Variants in CLYBL observed in about 807,000 individuals in gnomAD.
The protein encoded by CLYBL is citramalyl-CoA lyase.
In CLYBL, 31 loss-of-function variants were observed where a neutral mutation model predicts 38.9. The ratio of observed to expected loss-of-function variants is 0.80; its 90% confidence interval spans 0.60 to 1.08. The LOEUF (loss-of-function observed/expected upper bound fraction) is 1.08, where lower values mean the gene tolerates loss of function less well. CLYBL is among the 50% of genes least tolerant of loss of function. The pLI is 0.00. For synonymous variants in CLYBL, 171 were observed against 158.6 expected (o/e 1.08, Z -0.59); for missense variants, 434 against 411.6 (o/e 1.05, Z -0.47).
At chr13:99,868,119 G>A (rs561685785) in intron 6 of CLYBL, among the ~76,000 whole-genome samples, 7 of 152,286 alleles carry the variant, frequency 4.6e-5, no homozygotes, top group African/African-American at 1.4e-4. Context: ...AGGATAATGG[G>A]AAGGCACAGA....
chr13:99,684,284 A>G (rs936104906), intron 1 of CLYBL, among the ~76,000 whole-genome samples: 1 of 148,164 alleles, frequency 6.7e-6, no homozygotes, highest in Admixed American at 6.8e-5. Context: ...GGTTTGAGCA[A>G]TTCTCGTGCC....
intron 1 of CLYBL, among the ~76,000 whole-genome samples, chr13:99,695,542 C>G (rs188053725): frequency 6.6e-6 from 1 of 151,782 alleles, no homozygotes; most frequent in Non-Finnish European, 1.5e-5. Flanking sequence ...TGTTTTGAGA[C>G]GGAGTCTCCC....
intron 1 of CLYBL, among the ~76,000 whole-genome samples, chr13:99,669,294 G>A (rs1279965556): frequency 6.6e-6 from 1 of 152,202 alleles, no homozygotes; most frequent in African/African-American, 2.4e-5. Flanking sequence ...GAGCTGCCGC[G>A]CCCGGCCAGG....
At chr13:99,729,578 C>A (rs372130647) in intron 1 of CLYBL, among the ~76,000 whole-genome samples, 2 of 152,168 alleles carry the variant, frequency 1.3e-5, no homozygotes, top group Non-Finnish European at 2.9e-5. Context: ...GGAGACTCAT[C>A]ATCACTGCTC....
At chr13:99,871,136 G>A (rs1318169659) in intron 7 of CLYBL, 74 bp downstream of exon 7, 2 of 1,512,644 alleles carry the variant, frequency 1.3e-6, no homozygotes, top group African/African-American at 2.7e-5. Flanking sequence ...CAAATATGTT[G>A]TGTGAATGGT....
intron 2 of CLYBL, among the ~76,000 whole-genome samples, chr13:99,800,904 A>C (rs865881491): frequency 7.5e-6 from 1 of 133,142 alleles, no homozygotes. Context: ...CAAAAAAAAA[A>C]AACAAAAAAA....
chr13:99,885,378 T>C (rs2052324880), intron 7 of CLYBL, among the ~76,000 whole-genome samples: 1 of 151,892 alleles, frequency 6.6e-6, no homozygotes, highest in South Asian at 2.1e-4. Context: ...TGGTGTGTGT[T>C]GGGGTACAGG....
intron 1 of CLYBL, among the ~76,000 whole-genome samples, chr13:99,632,709 C>T (rs746076527): frequency 6.6e-6 from 1 of 152,002 alleles, no homozygotes; most frequent in South Asian, 2.1e-4. Context: ...TGTGCCACTG[C>T]ACTCCAGCCT....
intron 1 of CLYBL, among the ~76,000 whole-genome samples, chr13:99,713,907 C>T (rs2139502360): frequency 6.6e-6 from 1 of 152,164 alleles, no homozygotes; most frequent in East Asian, 1.9e-4. Context: ...AGGTTGGTCT[C>T]AAACTCCTGG....
intron 1 of CLYBL, among the ~76,000 whole-genome samples, chr13:99,651,160 C>G (rs1050085574): frequency 2.0e-5 from 3 of 152,364 alleles, no homozygotes; most frequent in African/African-American, 7.2e-5. Flanking sequence ...CCAATGTGAT[C>G]TCTGCTCTTT....
chr13:99,859,514 G>A lies in CLYBL; in HGVS notation c.438+465G>A, dbSNP rs555441870. Among the ~76,000 whole-genome samples, 3 of 152,342 alleles carry A rather than the reference G, an allele frequency of 2.0e-5. No homozygotes were observed. The South Asian group carries it at 6.2e-4, about 32-fold the overall frequency. On this transcript the variant is annotated intron_variant, in intron 3 of 8. Coordinates refer to ENST00000339105, the MANE Select transcript of CLYBL (RefSeq NM_206808.5). ...AAAAAATGAACCCAAAGAAGGGGAG[G>A]AAAAGGTCACTCTTTAGGGCAACTG...
chr13:99,687,114 A>T (rs1233696308), intron 1 of CLYBL, among the ~76,000 whole-genome samples: 1 of 152,178 alleles, frequency 6.6e-6, no homozygotes, highest in South Asian at 2.1e-4. Flanking sequence ...TAGCTCCAAG[A>T]GGCTGTAGGT....
chr13:99,635,871 C>CTTT (rs952602761), intron 1 of CLYBL, among the ~76,000 whole-genome samples: 1 of 151,942 alleles, frequency 6.6e-6, no homozygotes, highest in African/African-American at 2.4e-5. Flanking sequence ...GACAGATGGA[C>CTTT]TAAAGATAAT....
At chr13:99,809,381 C>G (rs894485570) in intron 2 of CLYBL, among the ~76,000 whole-genome samples, 2 of 152,216 alleles carry the variant, frequency 1.3e-5, no homozygotes, top group Non-Finnish European at 2.9e-5. Context: ...GAAGACCACC[C>G]TCTCCGATGG....
intron 1 of CLYBL, among the ~76,000 whole-genome samples, chr13:99,732,276 G>A (rs922982956): frequency 2.8e-5 from 4 of 142,138 alleles, no homozygotes; most frequent in African/African-American, 7.9e-5. Flanking sequence ...CAACCTCCCC[G>A]GGCCCAAGCC....
At chr13:99,665,784 G>A (rs139687832) in intron 1 of CLYBL, among the ~76,000 whole-genome samples, 38 of 152,222 alleles carry the variant, frequency 2.5e-4, no homozygotes, top group African/African-American at 6.5e-4. Flanking sequence ...CAACTCTAAC[G>A]TCAAAATGGT....
rs955825131 is a variant in CLYBL, at chr13:99,825,076, A to G, written c.250-33785A>G. 3.9e-5 allele frequency among the ~76,000 whole-genome samples: 6 copies of G among 152,220 alleles called. No homozygotes were observed. In the East Asian group the frequency reaches 9.6e-4, roughly 24 times the overall value. ...TATGCCACCTTCAACAAAGATGTCC[A>G]TAAGCAGACAGTCACTTCATGGTTT... is the stretch of plus-strand genomic sequence containing the variant. On this transcript the variant is annotated intron_variant, in intron 2 of 8. Transcript: ENST00000339105.
chr13:99,893,920 A>G (rs533503800), downstream of CLYBL: 1 of 152,636 alleles, frequency 6.6e-6, no homozygotes, highest in East Asian at 1.9e-4. Flanking sequence ...GCTTTGTTCA[A>G]ACAAAACCAC....
chr13:99,799,114 A>T (rs1467458024), intron 2 of CLYBL, among the ~76,000 whole-genome samples: 1 of 152,192 alleles, frequency 6.6e-6, no homozygotes, highest in Non-Finnish European at 1.5e-5. Flanking sequence ...GTTTCTTTTT[A>T]AGGGAAAGAC....
Sources: allele counts gnomAD v4.1 joint callset (sites outside exome capture counted in the v4.1 genomes callset), GRCh38; gene constraint gnomAD v4.1.1; transcripts MANE v1.5; gene names NCBI Gene and HGNC (gene_info 2026-07-23, HGNC 2026-07-21).